Variants in TUSC3 observed in about 807,000 individuals in gnomAD.
TUSC3 encodes tumor suppressor candidate 3.
Under a neutral mutation model 44.8 loss-of-function variants are expected in TUSC3, and 45 were observed. The observed-to-expected ratio is 1.00, with a 90% CI of 0.79 to 1.29. The LOEUF (loss-of-function observed/expected upper bound fraction) is 1.29, where lower values mean the gene tolerates loss of function less well. TUSC3 is among the 50% of genes most tolerant of loss of function. The pLI, the probability that TUSC3 is intolerant of heterozygous loss-of-function variation, is 0.00. For missense variants in TUSC3, 519 were observed against 437.9 expected (o/e 1.19, Z -1.65); for synonymous variants, 212 against 152.9 (o/e 1.39, Z -2.85).
intron 1 of TUSC3, among the ~76,000 whole-genome samples, chr8:15,425,761 C>G (rs2129116012): frequency 6.6e-6 from 1 of 152,348 alleles, no homozygotes; most frequent in East Asian, 1.9e-4. Flanking sequence ...ACTAGTTAAC[C>G]ATCCCTGTGA....
chr8:15,793,051 C>G, the TUSC3 span, among the ~76,000 whole-genome samples: 1 of 152,104 alleles, frequency 6.6e-6, no homozygotes, highest in Non-Finnish European at 1.5e-5. Flanking sequence ...ACAACCAATT[C>G]TACCCATTTT....
chr8:15,558,826 T>C (rs1293508290), intron 1 of TUSC3, among the ~76,000 whole-genome samples: 1 of 148,994 alleles, frequency 6.7e-6, no homozygotes, highest in Non-Finnish European at 1.5e-5. Flanking sequence ...GATGGTAGTT[T>C]GTATTTCTGT....
intron 1 of TUSC3, among the ~76,000 whole-genome samples, chr8:15,458,150 G>A (rs1282769489): frequency 2.0e-5 from 3 of 152,098 alleles, no homozygotes; most frequent in Non-Finnish European, 4.4e-5. Context: ...GAGGAAGGAA[G>A]GTGACGAGAT....
chr8:15,453,679 T>C (rs1338019758), intron 1 of TUSC3, among the ~76,000 whole-genome samples: 1 of 152,190 alleles, frequency 6.6e-6, no homozygotes, highest in African/African-American at 2.4e-5. Context: ...TTTACTTACA[T>C]TAATCACTTG....
chr8:15,529,209 A>T (rs1046216453), intron 2 of TUSC3, among the ~76,000 whole-genome samples: 24 of 152,178 alleles, frequency 1.6e-4, no homozygotes, highest in Non-Finnish European at 3.5e-4. Context: ...CCATAATTCC[A>T]TTTAGTAAAT....
In TUSC3 at chr8:15,763,228, C is replaced by T. The variant is rs555808711; in HGVS notation, c.*47-975C>T. On this transcript the variant is annotated intron_variant, in intron 10 of 10. Coordinates refer to ENST00000503731, the MANE Select transcript of TUSC3 (RefSeq NM_006765.4). Reference sequence around the variant, plus strand: ...TCACCAGAATCCTAAAATATTAGCACGAAAAGAACTTCGGGAATCATCCAA... The same window carrying T: ...TCACCAGAATCCTAAAATATTAGCATGAAAAGAACTTCGGGAATCATCCAA... Among the ~76,000 whole-genome samples the T allele has an allele frequency of 1.9e-3, 291 of 151,840 alleles. 1 individual carries two copies. Among genetic ancestry groups the T allele is most frequent in the South Asian group, 3.7e-3 (18 of 4,820 alleles).
chr8:15,502,858 C>T (rs1049554300), intron 2 of TUSC3, among the ~76,000 whole-genome samples: 1 of 152,098 alleles, frequency 6.6e-6, no homozygotes, highest in African/African-American at 2.4e-5. Flanking sequence ...TCTTTGAGTG[C>T]CTTCCCAAAA....
At chr8:15,514,002 C>T (rs1212680684) in intron 2 of TUSC3, among the ~76,000 whole-genome samples, 1 of 152,126 alleles carries the variant, frequency 6.6e-6, no homozygotes, top group African/African-American at 2.4e-5. Context: ...ACAATAAAGC[C>T]CCTCTTACAG....
intron 3 of TUSC3, among the ~76,000 whole-genome samples, chr8:15,656,619 A>C (rs1807178051): frequency 6.9e-6 from 1 of 145,356 alleles, no homozygotes; most frequent in Non-Finnish European, 1.5e-5. Flanking sequence ...TGCCAGGCCC[A>C]AGCCCACGCA....
chr8:15,809,762 C>T, the TUSC3 span, among the ~76,000 whole-genome samples: 1 of 152,168 alleles, frequency 6.6e-6, no homozygotes, highest in Admixed American at 6.5e-5. Context: ...AGTGCAACCA[C>T]GGATAAAAGA....
chr8:15,631,478 A>G (rs1805761197), intron 2 of TUSC3, among the ~76,000 whole-genome samples: 1 of 152,158 alleles, frequency 6.6e-6, no homozygotes, highest in East Asian at 1.9e-4. Context: ...AAACTAGTAC[A>G]GTGGACACCT....
chr8:15,666,557 A>C (rs1807669602), intron 5 of TUSC3, among the ~76,000 whole-genome samples: 2 of 151,438 alleles, frequency 1.3e-5, no homozygotes, highest in South Asian at 4.1e-4. Flanking sequence ...TATCAGTAGA[A>C]ATTTATTTCT....
the TUSC3 span, among the ~76,000 whole-genome samples, chr8:15,781,636 A>G: frequency 6.6e-6 from 1 of 152,232 alleles, no homozygotes; most frequent in East Asian, 1.9e-4. Context: ...TAATGAGCCA[A>G]GAGATTGAAA....
At chr8:15,492,828 G>A (rs1800825721) in intron 2 of TUSC3, among the ~76,000 whole-genome samples, 1 of 151,530 alleles carries the variant, frequency 6.6e-6, no homozygotes, top group African/African-American at 2.4e-5. Flanking sequence ...ATATCCATAT[G>A]AGTTTTTATC....
chr8:15,771,650 C>G, the TUSC3 span, among the ~76,000 whole-genome samples: 1 of 151,998 alleles, frequency 6.6e-6, no homozygotes, highest in East Asian at 1.9e-4. Context: ...TATAAAACAA[C>G]CAGTGGATCA....
chr8:15,498,574 C>T (rs1028538660), intron 2 of TUSC3, among the ~76,000 whole-genome samples: 1 of 152,140 alleles, frequency 6.6e-6, no homozygotes, highest in African/African-American at 2.4e-5. Context: ...TATTTCTAAC[C>T]TTGATTAATT....
At chr8:15,780,491 C>G in the TUSC3 span, among the ~76,000 whole-genome samples, 4 of 152,174 alleles carry the variant, frequency 2.6e-5, no homozygotes, top group Non-Finnish European at 5.9e-5. Context: ...CAAACACTTG[C>G]AGGGGCTTCA....
intron 1 of TUSC3, among the ~76,000 whole-genome samples, chr8:15,478,605 T>A (rs1159380494): frequency 1.3e-5 from 2 of 152,196 alleles, no homozygotes; most frequent in African/African-American, 4.8e-5. Flanking sequence ...AAGGACATGA[T>A]CTCATTCCTT....
chr8:15,484,277 C>T (rs760859230), intron 2 of TUSC3, among the ~76,000 whole-genome samples: 5 of 152,214 alleles, frequency 3.3e-5, no homozygotes, highest in Admixed American at 3.3e-4. Context: ...AATGTCCACT[C>T]TGCTCTAGCA....
Sources: allele counts gnomAD v4.1 joint callset (sites outside exome capture counted in the v4.1 genomes callset), GRCh38; gene constraint gnomAD v4.1.1; transcripts MANE v1.5; gene names NCBI Gene and HGNC (gene_info 2026-07-23, HGNC 2026-07-21).